Variants in SLC39A11 observed in about 807,000 individuals in gnomAD.
SLC39A11 encodes solute carrier family 39 member 11.
In SLC39A11, 33 loss-of-function variants were observed where a neutral mutation model predicts 36.1. The ratio of observed to expected loss-of-function variants is 0.91; its 90% CI spans 0.69 to 1.22. The LOEUF is 1.22. Ranked by LOEUF, SLC39A11 falls within the 50% of genes most tolerant of loss-of-function variation. SLC39A11 has a pLI of 0.00. For synonymous variants in SLC39A11, 166 were observed against 170.3 expected (o/e 0.97, Z 0.20); for missense variants, 432 against 430.3 (o/e 1.00, Z -0.03).
chr17:72,695,890 C>T (rs2072272601), intron 7 of SLC39A11, among the ~76,000 whole-genome samples: 1 of 152,162 alleles, frequency 6.6e-6, no homozygotes, highest in African/African-American at 2.4e-5. Context: ...GAGAGCACAG[C>T]TATCTGCTGG....
At chr17:72,671,737 AT>A (rs1191419533) in intron 7 of SLC39A11, among the ~76,000 whole-genome samples, 1 of 152,060 alleles carries the variant, frequency 6.6e-6, no homozygotes, top group African/African-American at 2.4e-5. Context: ...AAATAGCTAT[AT>A]TTGTTTCTAT....
At chr17:72,933,038 A>G (rs1308319698) in intron 5 of SLC39A11, among the ~76,000 whole-genome samples, 1 of 152,232 alleles carries the variant, frequency 6.6e-6, no homozygotes, top group East Asian at 1.9e-4. Context: ...ATAAGGCAAG[A>G]CTGTCTGCTC....
chr17:72,708,610 C>T (rs9891504), intron 7 of SLC39A11, among the ~76,000 whole-genome samples: 2,593 of 152,280 alleles, frequency 0.017, 62 homozygotes, highest in African/African-American at 0.056. Context: ...CTCAGGGACC[C>T]CCAAGTTCAG....
intron 4 of SLC39A11, among the ~76,000 whole-genome samples, chr17:73,027,810 AG>A (rs1436485214): frequency 6.6e-6 from 1 of 152,204 alleles, no homozygotes; most frequent in African/African-American, 2.4e-5. Context: ...GTCACGGGCA[AG>A]GGTCAAATCA....
chr17:72,709,170 C>A (rs2073015677), intron 7 of SLC39A11, among the ~76,000 whole-genome samples: 1 of 152,170 alleles, frequency 6.6e-6, no homozygotes. Context: ...AATCTTCTGA[C>A]CTCGTGATCC....
intron 6 of SLC39A11, among the ~76,000 whole-genome samples, chr17:72,816,554 G>A (rs532329540): frequency 2.6e-5 from 4 of 152,260 alleles, no homozygotes; most frequent in East Asian, 1.9e-4. Context: ...CATAGAACAC[G>A]TCCCAGGCTA....
At chr17:72,728,893 G>A (rs931194194) in intron 7 of SLC39A11, among the ~76,000 whole-genome samples, 7 of 151,890 alleles carry the variant, frequency 4.6e-5, no homozygotes, top group Non-Finnish European at 7.4e-5. Context: ...CCTTCCACGC[G>A]ACAACAAAAT....
intron 3 of SLC39A11, among the ~76,000 whole-genome samples, chr17:73,074,457 C>T (rs566170432): frequency 6.6e-6 from 1 of 152,040 alleles, no homozygotes; most frequent in African/African-American, 2.4e-5. Context: ...ACCACCACGC[C>T]CGGCTAATTT....
chr17:72,670,196 C>T (rs867495845), intron 7 of SLC39A11, among the ~76,000 whole-genome samples: 3 of 90,560 alleles, frequency 3.3e-5, no homozygotes, highest in South Asian at 3.8e-4. Context: ...CACACACACA[C>T]ACACACACAC....
chr17:72,733,436 G>A (rs2074306010), intron 7 of SLC39A11, among the ~76,000 whole-genome samples: 1 of 152,020 alleles, frequency 6.6e-6, no homozygotes, highest in African/African-American at 2.4e-5. Context: ...CTAAAGAACG[G>A]GTGCATGAAT....
At chr17:73,087,493 G>C (rs186535415) in intron 2 of SLC39A11, among the ~76,000 whole-genome samples, 2 of 152,316 alleles carry the variant, frequency 1.3e-5, no homozygotes, top group Admixed American at 6.5e-5. Flanking sequence ...TGCAGGGATT[G>C]TGCATTCATC....
intron 4 of SLC39A11, among the ~76,000 whole-genome samples, chr17:73,026,184 G>GAA (rs869210277): frequency 7.7e-6 from 1 of 129,222 alleles, no homozygotes; most frequent in Admixed American, 8.8e-5. Context: ...AGGAGAAAGA[G>GAA]AAGAGAGAAG....
chr17:73,005,360 C>T (rs1172222449), intron 4 of SLC39A11, among the ~76,000 whole-genome samples: 4 of 152,170 alleles, frequency 2.6e-5, no homozygotes, highest in Non-Finnish European at 5.9e-5. Context: ...CCAGGAGCTT[C>T]CACAGTTCCT....
intron 5 of SLC39A11, among the ~76,000 whole-genome samples, chr17:72,886,815 C>A (rs575459057): frequency 6.6e-6 from 1 of 152,224 alleles, no homozygotes; most frequent in Non-Finnish European, 1.5e-5. Flanking sequence ...GGCCTTCTCA[C>A]GAATGCTCCC....
intron 3 of SLC39A11, among the ~76,000 whole-genome samples, chr17:73,078,495 G>T (rs533808213): frequency 0.095 from 13,828 of 145,724 alleles, 786 homozygotes; most frequent in African/African-American, 0.17. Context: ...GTTTTTTGTT[G>T]TTTTTTTTTT....
intron 5 of SLC39A11, among the ~76,000 whole-genome samples, chr17:72,875,677 T>A (rs1469899355): frequency 2.0e-5 from 3 of 152,328 alleles, no homozygotes; most frequent in African/African-American, 7.2e-5. Flanking sequence ...TTATTAACGA[T>A]GATCTAATTC....
intron 6 of SLC39A11, among the ~76,000 whole-genome samples, chr17:72,824,834 G>C (rs1169262232): frequency 6.6e-6 from 1 of 151,286 alleles, no homozygotes; most frequent in African/African-American, 2.4e-5. Flanking sequence ...TAAGCAGCAA[G>C]GCATTAAAGA....
intron 6 of SLC39A11, among the ~76,000 whole-genome samples, chr17:72,770,362 G>A (rs2075890816): frequency 6.6e-6 from 1 of 152,212 alleles, no homozygotes; most frequent in Admixed American, 6.5e-5. Context: ...TTCAGTTTGG[G>A]AAGATAAAAA....
intron 7 of SLC39A11, among the ~76,000 whole-genome samples, chr17:72,707,098 T>C (rs1322664360): frequency 6.6e-6 from 1 of 152,158 alleles, no homozygotes; most frequent in Non-Finnish European, 1.5e-5. Context: ...ATGTAAACTA[T>C]CTCATTAGCA....
Sources: allele counts gnomAD v4.1 joint callset (sites outside exome capture counted in the v4.1 genomes callset), GRCh38; gene constraint gnomAD v4.1.1; transcripts MANE v1.5; gene names NCBI Gene and HGNC (gene_info 2026-07-23, HGNC 2026-07-21).